Variants in FAAH2 observed in about 807,000 individuals in gnomAD.
FAAH2 encodes the protein fatty-acid amide hydrolase 2.
In FAAH2, 60 loss-of-function variants were observed where a neutral mutation model predicts 36.9. The ratio of observed to expected loss-of-function variants is 1.63; its 90% CI spans 1.32 to 2.02. FAAH2 has a LOEUF of 2.02. FAAH2 is among the 30% of genes most tolerant of loss of function. The pLI is 0.00. For synonymous variants in FAAH2, 214 were observed against 143.8 expected, an observed-to-expected ratio of 1.49 and a Z score of -3.49; for missense variants, 689 against 397.5, an observed-to-expected ratio of 1.73 and a Z score of -6.23.
At position 57,305,381 on chromosome X, in the gene FAAH2, C is replaced by G. The variant is rs774460700; in HGVS notation, c.276-5212C>G. On this transcript the variant is annotated intron_variant, in intron 2 of 10. Coordinates refer to ENST00000374900, the MANE Select transcript of FAAH2 (RefSeq NM_174912.4). Reference sequence around the variant, plus strand: ...AAAAAATTCCTTCATCCCCCACATTCTAACCTTCTAATATTTTATAAGAGT... The same window carrying G: ...AAAAAATTCCTTCATCCCCCACATTGTAACCTTCTAATATTTTATAAGAGT... 1.3e-4 allele frequency among the ~76,000 whole-genome samples: 14 copies of G among 111,376 alleles called. No homozygotes were observed. The East Asian group carries it at 2.3e-3, about 18-fold the overall frequency.
intron 2 of FAAH2, among the ~76,000 whole-genome samples, chrX:57,296,615 C>T (rs997092179): frequency 1.9e-4 from 21 of 111,738 alleles, no homozygotes; most frequent in East Asian, 8.4e-4. Context: ...ATGACTTTCA[C>T]GAGTTCAGAG....
the FAAH2 span, among the ~76,000 whole-genome samples, chrX:57,149,319 T>C: frequency 8.9e-6 from 1 of 111,734 alleles, no homozygotes; most frequent in Non-Finnish European, 1.9e-5. Context: ...TGGGAATAGT[T>C]TCAGAAGGAA....
In FAAH2 at chrX:57,482,100, A is replaced by G. The variant is rs145020076; in HGVS notation, c.1424-6657A>G. Among the ~76,000 whole-genome samples, 429 of 111,429 alleles carry G rather than the reference A, an allele frequency of 3.8e-3. 2 individuals are homozygous for G. Among genetic ancestry groups the G allele is most frequent in the African/African-American group, 0.013 (414 of 30,697 alleles). ...AATGCCCCTCCCCCCACCAAGCTCA[A>G]TTGTCCCAGGTTAACCTCAGACTGT... On this transcript the variant is annotated intron_variant, in intron 10 of 10. Transcript: ENST00000374900.
intron 5 of FAAH2, among the ~76,000 whole-genome samples, chrX:57,370,969 C>T (rs1281301308): frequency 8.9e-6 from 1 of 111,901 alleles, no homozygotes; most frequent in African/African-American, 3.3e-5. Flanking sequence ...TACTAATAGA[C>T]ATTTACAGAA....
the FAAH2 span, among the ~76,000 whole-genome samples, chrX:57,193,259 C>T: frequency 9.0e-6 from 1 of 111,508 alleles, no homozygotes; most frequent in Non-Finnish European, 1.9e-5. Flanking sequence ...ATGAAATAAG[C>T]CCCAGTCTCC....
At chrX:57,242,782 C>T in the FAAH2 span, among the ~76,000 whole-genome samples, 1 of 112,302 alleles carries the variant, frequency 8.9e-6, no homozygotes, top group Non-Finnish European at 1.9e-5. Flanking sequence ...GAGATTCCCT[C>T]GGTGCCTACA....
the FAAH2 span, among the ~76,000 whole-genome samples, chrX:57,170,697 ATGTGTG>A: frequency 0.3 from 29,473 of 99,717 alleles, 3,623 homozygotes; most frequent in Middle Eastern, 0.57. Flanking sequence ...TATTTACTTT[ATGTGTG>A]TGTGTGTGTG....
At position 57,426,392 on chromosome X, in the gene FAAH2, G is replaced by A. The variant is rs181354577; in HGVS notation, c.997-5526G>A. Among the ~76,000 whole-genome samples, 9 of 111,766 alleles carry A rather than the reference G, an allele frequency of 8.1e-5. No homozygotes were observed. In the Admixed American group the frequency reaches 8.5e-4, roughly 11 times the overall value. ...AAAAACAAATGCAAGAGTTAAACTG[G>A]ACGTTAGACCAAGTAGACCTAATAG... On this transcript the variant is annotated intron_variant, in intron 7 of 10. Transcript: ENST00000374900.
At chrX:57,134,569 A>G in the FAAH2 span, 7 of 111,637 alleles carry the variant, frequency 6.3e-5, no homozygotes, top group Non-Finnish European at 1.3e-4. Flanking sequence ...GATGCCCCTC[A>G]TCTCTAGATA....
intron 2 of FAAH2, among the ~76,000 whole-genome samples, chrX:57,294,485 G>A (rs1207392018): frequency 8.9e-6 from 1 of 111,783 alleles, no homozygotes; most frequent in Non-Finnish European, 1.9e-5. Context: ...TGTACCCCTA[G>A]ACTCTACCTT....
At chrX:57,308,681 T>G (rs890605674) in intron 2 of FAAH2, among the ~76,000 whole-genome samples, 1 of 111,912 alleles carries the variant, frequency 8.9e-6, no homozygotes, top group Admixed American at 9.6e-5. Flanking sequence ...AATATCATTA[T>G]ATCATTATCC....
chrX:57,221,734 T>C, the FAAH2 span, among the ~76,000 whole-genome samples: 4 of 111,139 alleles, frequency 3.6e-5, no homozygotes, highest in Non-Finnish European at 5.7e-5. Context: ...GGATGCTTTT[T>C]TTTCATAATT....
intron 7 of FAAH2, among the ~76,000 whole-genome samples, chrX:57,391,222 C>A (rs772480102): frequency 9.1e-6 from 1 of 110,497 alleles, no homozygotes; most frequent in Non-Finnish European, 1.9e-5. Context: ...GATATTAGAC[C>A]ATTTTCAGAG....
At chrX:57,407,565 C>T (rs1336312991) in intron 7 of FAAH2, among the ~76,000 whole-genome samples, 1 of 112,073 alleles carries the variant, frequency 8.9e-6, no homozygotes, top group African/African-American at 3.2e-5. Context: ...TGTACCCTAG[C>T]TTATTCTGTA....
chrX:57,292,007 A>C (rs1466887637), intron 1 of FAAH2, among the ~76,000 whole-genome samples: 2 of 111,206 alleles, frequency 1.8e-5, no homozygotes, highest in Middle Eastern at 4.2e-3. Flanking sequence ...CTCTCTATTC[A>C]TTTGAAATTC....
At chrX:57,450,549 G>A (rs753893813) in intron 10 of FAAH2, among the ~76,000 whole-genome samples, 1 of 111,869 alleles carries the variant, frequency 8.9e-6, no homozygotes, top group Non-Finnish European at 1.9e-5. Context: ...TAAGAGGTTT[G>A]TGAGACCTTT....
chrX:57,488,160 T>C (rs1310459631), intron 10 of FAAH2, among the ~76,000 whole-genome samples: 2 of 111,758 alleles, frequency 1.8e-5, no homozygotes, highest in East Asian at 5.6e-4. Flanking sequence ...GCTTGCACAA[T>C]TCTGTAAATT....
the FAAH2 span, among the ~76,000 whole-genome samples, chrX:57,237,276 AAGTC>A: frequency 9.0e-6 from 1 of 111,156 alleles, no homozygotes; most frequent in Non-Finnish European, 1.9e-5. Flanking sequence ...CAGTATTTGG[AAGTC>A]AGGTAAGGTG....
intron 3 of FAAH2, among the ~76,000 whole-genome samples, chrX:57,324,590 C>G (rs1207610525): frequency 9.0e-6 from 1 of 111,533 alleles, no homozygotes; most frequent in Non-Finnish European, 1.9e-5. Context: ...GTATTTTATT[C>G]TCTTTGAAGC....
Sources: gnomAD v4.1 joint callset for allele counts (sites outside exome capture counted in the v4.1 genomes callset) on GRCh38, gnomAD v4.1.1 for gene constraint, MANE v1.5 for transcripts, NCBI Gene and HGNC (gene_info 2026-07-23, HGNC 2026-07-21) for gene names.